EXOC4: variants seen among roughly 807,000 people sequenced by gnomAD.
The protein encoded by EXOC4 is SEC8-like 1.
In EXOC4, 71 loss-of-function variants were observed where a neutral mutation model predicts 107.2. That is an observed-to-expected ratio of 0.66 (90% CI 0.55 to 0.81). EXOC4 has a LOEUF of 0.81. Ranked by LOEUF, EXOC4 falls within the 30% of genes least tolerant of loss-of-function variation. EXOC4 has a pLI of 0.00. For synonymous variants in EXOC4, 456 were observed against 441.2 expected, an observed-to-expected ratio of 1.03 and a Z score of -0.42; for missense variants, 1,108 against 1,189.6, an observed-to-expected ratio of 0.93 and a Z score of 1.01.
chr7:134,026,661 A>T (rs1244562023), intron 17 of EXOC4, among the ~76,000 whole-genome samples: 1 of 152,172 alleles, frequency 6.6e-6, no homozygotes, highest in Non-Finnish European at 1.5e-5. Flanking sequence ...ATAGACATTT[A>T]AAAACAATGC....
chr7:133,819,276 A>AC (rs1044460256), intron 11 of EXOC4, among the ~76,000 whole-genome samples: 12 of 41,432 alleles, frequency 2.9e-4, no homozygotes, highest in African/African-American at 1.3e-3. Flanking sequence ...TAAATGGAAT[A>AC]CTTTTTTTTT....
At chr7:133,609,823 T>C (rs1485783760) in intron 9 of EXOC4, among the ~76,000 whole-genome samples, 1 of 152,198 alleles carries the variant, frequency 6.6e-6, no homozygotes, top group Non-Finnish European at 1.5e-5. Flanking sequence ...TAGCTTAGAA[T>C]TGGCCACGAT....
Position 133,894,799 on chromosome 7 carries a change from G to C in EXOC4, c.1735-800G>C, listed in dbSNP as rs1374239269. On this transcript the variant is annotated intron_variant, in intron 11 of 17. Coordinates refer to ENST00000253861, the MANE Select transcript of EXOC4 (RefSeq NM_021807.4). The stretch of plus-strand genomic sequence containing the variant: ...CAGTCTGCCCGTTCTCAGATCTCCA[G>C]CTGCGTGCTGGGAGAACCACTGCTC... Among the ~76,000 whole-genome samples the C allele has an allele frequency of 2.4e-5, 2 of 83,906 alleles. 1 individual carries two copies. Among genetic ancestry groups the C allele is most frequent in the Non-Finnish European group, 4.2e-5 (2 of 47,502 alleles). 55.0% of individuals were successfully genotyped at this position (83,906 alleles called of 152,430 possible).
At chr7:133,683,399 G>T (rs1260668847) in intron 10 of EXOC4, among the ~76,000 whole-genome samples, 6 of 152,094 alleles carry the variant, frequency 3.9e-5, no homozygotes, top group African/African-American at 1.2e-4. Flanking sequence ...TGCAGCGTTG[G>T]TTCATATCTT....
chr7:133,815,212 C>T (rs1014183901), intron 10 of EXOC4, among the ~76,000 whole-genome samples: 3 of 151,884 alleles, frequency 2.0e-5, no homozygotes, highest in Admixed American at 6.6e-5. Flanking sequence ...AACTCCATCC[C>T]TACTAAAAAT....
intron 9 of EXOC4, among the ~76,000 whole-genome samples, chr7:133,606,516 TA>T (rs1280425013): frequency 8.1e-4 from 105 of 129,610 alleles, no homozygotes; most frequent in African/African-American, 2.6e-3. Flanking sequence ...TTATTATTAT[TA>T]TTTTTTTTTT....
At chr7:133,365,841 T>G (rs1044924460) in intron 6 of EXOC4, among the ~76,000 whole-genome samples, 3 of 152,214 alleles carry the variant, frequency 2.0e-5, no homozygotes, top group Non-Finnish European at 4.4e-5. Flanking sequence ...TTTTATCTAA[T>G]TATACGTTTC....
chr7:133,642,716 C>T (rs1320002845), intron 10 of EXOC4, among the ~76,000 whole-genome samples: 2 of 152,106 alleles, frequency 1.3e-5, no homozygotes, highest in African/African-American at 2.4e-5. Flanking sequence ...ATTTCTTATC[C>T]TCAGCCCTTG....
chr7:133,426,743 A>G (rs894947102), intron 7 of EXOC4, among the ~76,000 whole-genome samples: 6 of 152,252 alleles, frequency 3.9e-5, no homozygotes, highest in African/African-American at 1.4e-4. Context: ...GATGGTTGTC[A>G]TCACCAACAT....
At chr7:133,941,075 G>C (rs922694065) in intron 14 of EXOC4, among the ~76,000 whole-genome samples, 15 of 149,086 alleles carry the variant, frequency 1.0e-4, no homozygotes, top group African/African-American at 3.5e-4. Context: ...TCGGCTCACT[G>C]CAGCCTCTGC....
chr7:133,743,797 C>G (rs1795618286), intron 10 of EXOC4, among the ~76,000 whole-genome samples: 1 of 152,114 alleles, frequency 6.6e-6, no homozygotes, highest in African/African-American at 2.4e-5. Context: ...TGGTTTTGAG[C>G]TACTTGGGTG....
chr7:133,586,107 CA>C (rs1211549283), intron 9 of EXOC4, among the ~76,000 whole-genome samples: 38 of 149,294 alleles, frequency 2.5e-4, no homozygotes, highest in African/African-American at 8.8e-4. Flanking sequence ...ATTTTAGATT[CA>C]GGGGTACATA....
intron 12 of EXOC4, among the ~76,000 whole-genome samples, chr7:133,907,024 C>T (rs1799582345): frequency 6.6e-6 from 1 of 152,118 alleles, no homozygotes; most frequent in Non-Finnish European, 1.5e-5. Context: ...TGGAAGCGGC[C>T]AGCCACCATC....
intron 11 of EXOC4, among the ~76,000 whole-genome samples, chr7:133,841,888 C>T (rs903321375): frequency 6.6e-6 from 1 of 152,172 alleles, no homozygotes; most frequent in African/African-American, 2.4e-5. Flanking sequence ...ATGTTTAGCT[C>T]TCACTTATAA....
At chr7:134,084,613 A>G in the EXOC4 span, among the ~76,000 whole-genome samples, 2 of 622 alleles carry the variant, frequency 3.2e-3, no homozygotes, top group East Asian at 0.031. Flanking sequence ...ATGCCTTTCT[A>G]CCTTGCAAGG....
At chr7:134,022,378 C>T (rs997338225) in intron 17 of EXOC4, among the ~76,000 whole-genome samples, 6 of 152,082 alleles carry the variant, frequency 3.9e-5, no homozygotes, top group South Asian at 2.1e-4. Context: ...AGTTAAGTTT[C>T]GTAGCTATTG....
chr7:133,362,959 C>T (rs142066964), intron 6 of EXOC4, among the ~76,000 whole-genome samples: 1 of 152,146 alleles, frequency 6.6e-6, no homozygotes, highest in African/African-American at 2.4e-5. Context: ...TTCCTTGTGG[C>T]TTCTTATAGC....
intron 14 of EXOC4, among the ~76,000 whole-genome samples, chr7:133,972,297 A>G (rs1168651008): frequency 6.6e-6 from 1 of 152,128 alleles, no homozygotes; most frequent in Non-Finnish European, 1.5e-5. Context: ...CATTTTTTCA[A>G]TACCCCTCAT....
chr7:133,827,134 C>T (rs1797721726), intron 11 of EXOC4, among the ~76,000 whole-genome samples: 1 of 152,164 alleles, frequency 6.6e-6, no homozygotes, highest in Non-Finnish European at 1.5e-5. Flanking sequence ...CACATAGTGT[C>T]ATGGAATAGG....
Sources: allele counts gnomAD v4.1 joint callset (sites outside exome capture counted in the v4.1 genomes callset), GRCh38; gene constraint gnomAD v4.1.1; transcripts MANE v1.5; gene names NCBI Gene and HGNC (gene_info 2026-07-23, HGNC 2026-07-21).